The following PAX7 variants were observed in gnomAD, a reference collection of about 807,000 sequenced individuals.
PAX7 encodes paired box protein Pax-7.
A neutral mutation model predicts 50.7 loss-of-function variants in PAX7; 18 were observed. The ratio of observed to expected loss-of-function variants is 0.36; its 90% confidence interval spans 0.25 to 0.53. PAX7 has a LOEUF of 0.53. Ranked by LOEUF, PAX7 falls within the 20% of genes least tolerant of loss-of-function variation. The pLI is 0.93. For synonymous variants in PAX7, 310 were observed against 290.4 expected (o/e 1.07, Z -0.69); for missense variants, 644 against 702.9 (o/e 0.92, Z 0.95).
At chr1:18,657,183 G>A (rs1365570372) in intron 4 of PAX7, among the ~76,000 whole-genome samples, 35 of 152,044 alleles carry the variant, frequency 2.3e-4, no homozygotes, top group Non-Finnish European at 2.6e-4. Flanking sequence ...AGATCCCATT[G>A]CTTTGGCATG....
intron 4 of PAX7, among the ~76,000 whole-genome samples, chr1:18,675,884 G>C (rs1257414892): frequency 6.6e-6 from 1 of 152,094 alleles, no homozygotes; most frequent in African/African-American, 2.4e-5. Context: ...CAGGCCCCAG[G>C]GTCGCTCCCC....
intron 1 of PAX7, among the ~76,000 whole-genome samples, chr1:18,633,858 TC>T (rs1353711307): frequency 1.3e-5 from 2 of 152,226 alleles, no homozygotes; most frequent in Non-Finnish European, 2.9e-5. Context: ...TATTGGCCTC[TC>T]CAAGACGCAG....
intron 1 of PAX7, among the ~76,000 whole-genome samples, chr1:18,631,904 C>T (rs1483392909): frequency 6.6e-6 from 1 of 152,180 alleles, no homozygotes; most frequent in Non-Finnish European, 1.5e-5. Context: ...GCCTTCGTTT[C>T]GCAGGTCGCT....
At chr1:18,706,126 C>G (rs1301753806) in intron 7 of PAX7, among the ~76,000 whole-genome samples, 1 of 152,228 alleles carries the variant, frequency 6.6e-6, no homozygotes, top group Admixed American at 6.5e-5. Context: ...CCGACTCCCA[C>G]TGCCCTCCCT....
At position 18,635,215 on chromosome 1, in the gene PAX7, C is replaced by T. The variant is rs759037398; in HGVS notation, c.426C>T (p.His142=). The T allele has an allele frequency of 1.2e-6, 2 of 1,613,860 alleles. No individual in the cohort carries two copies. Among genetic ancestry groups the T allele is most frequent in the Non-Finnish European group, 1.7e-6 (2 of 1,179,898 alleles). Residue 142 remains histidine (H), a synonymous_variant, in exon 3 of 9, where the codon CAC becomes CAT. Transcript: ENST00000420770. ...EIRDRLLKDG[H]CDRSTVPSGL... is the part of the protein sequence containing the mutation. ...GGGACAGGCTGCTGAAGGATGGGCA[C>T]TGTGACCGAAGCACTGTGCCCTCAG...
chr1:18,739,001 C>G (rs1004746769), intron 8 of PAX7, among the ~76,000 whole-genome samples: 1 of 152,202 alleles, frequency 6.6e-6, no homozygotes, highest in Non-Finnish European at 1.5e-5. Flanking sequence ...CTGGGATGCC[C>G]CAGTGTGTGT....
At chr1:18,666,519 C>T (rs1570143806) in intron 4 of PAX7, among the ~76,000 whole-genome samples, 1 of 152,248 alleles carries the variant, frequency 6.6e-6, no homozygotes, top group African/African-American at 2.4e-5. Context: ...TGCCCAGCAA[C>T]ATTTTCAGGG....
intron 8 of PAX7, among the ~76,000 whole-genome samples, chr1:18,743,097 T>C (rs1488775980): frequency 6.6e-6 from 1 of 152,166 alleles, no homozygotes; most frequent in Non-Finnish European, 1.5e-5. Context: ...TTCTGCTGCT[T>C]CCAAACCAAC....
At chr1:18,653,178 GT>G (rs1184467400) in intron 4 of PAX7, among the ~76,000 whole-genome samples, 6 of 138,610 alleles carry the variant, frequency 4.3e-5, no homozygotes, top group African/African-American at 1.6e-4. Context: ...GATTTGCTGG[GT>G]TTTTTTCATT....
chr1:18,710,481 G>A (rs1318655536), intron 7 of PAX7, among the ~76,000 whole-genome samples: 1 of 152,108 alleles, frequency 6.6e-6, no homozygotes, highest in Non-Finnish European at 1.5e-5. Context: ...GAGGAAGGAG[G>A]AGGGAGCGAG....
At chr1:18,719,407 T>C (rs116695592) in intron 7 of PAX7, among the ~76,000 whole-genome samples, 1,981 of 152,300 alleles carry the variant, frequency 0.013, 23 homozygotes, top group Middle Eastern at 0.034. Flanking sequence ...GGGCTGGGGC[T>C]TTGGGGAATA....
Position 18,744,973 on chromosome 1 carries a change from C to A in PAX7, c.*44C>A, listed in dbSNP as rs1450128896. On this transcript the variant is annotated 3_prime_UTR_variant, in exon 9 of 9. Transcript: ENST00000420770. The stretch of plus-strand genomic sequence containing the variant: ...CCCCAGCCCAATTCCCAGCCCAACC[C>A]TAACTGACCCCTGAGCTTCCCAGCC... 8.6e-7 allele frequency: 1 copy of A among 1,165,164 alleles called. No homozygotes were observed. The highest frequency in any genetic ancestry group is 2.0e-5 in the Admixed American group (1 of 49,092). 72.2% of individuals were successfully genotyped at this position (1,165,164 alleles called of 1,614,324 possible).
chr1:18,734,082 A>G (rs1366041636), intron 7 of PAX7, among the ~76,000 whole-genome samples: 2 of 152,204 alleles, frequency 1.3e-5, no homozygotes, highest in Non-Finnish European at 2.9e-5. Context: ...GACTGTGGCC[A>G]GGCCTCAATG....
At chr1:18,650,911 G>A (rs1407647341) in intron 4 of PAX7, among the ~76,000 whole-genome samples, 1 of 152,142 alleles carries the variant, frequency 6.6e-6, no homozygotes, top group African/African-American at 2.4e-5. Context: ...GGCTGGCAGG[G>A]CAAGACCTCT....
chr1:18,690,785 C>T (rs1168102482), intron 4 of PAX7, among the ~76,000 whole-genome samples: 1 of 152,222 alleles, frequency 6.6e-6, no homozygotes, highest in East Asian at 1.9e-4. Context: ...CTCCTCTAGC[C>T]TGGGGGAATC....
chr1:18,727,698 A>G (rs2089592181), intron 7 of PAX7, among the ~76,000 whole-genome samples: 1 of 152,258 alleles, frequency 6.6e-6, no homozygotes, highest in Non-Finnish European at 1.5e-5. Flanking sequence ...GCCATCAGCC[A>G]GGCTTAGAAA....
At chr1:18,704,855 A>G (rs773182619) in intron 7 of PAX7, among the ~76,000 whole-genome samples, 18 of 152,196 alleles carry the variant, frequency 1.2e-4, no homozygotes, top group Non-Finnish European at 2.5e-4. Context: ...ACCCTTGAGT[A>G]AGTCCCTTCC....
intron 7 of PAX7, among the ~76,000 whole-genome samples, chr1:18,720,319 C>G (rs976662090): frequency 6.6e-6 from 1 of 152,168 alleles, no homozygotes; most frequent in Non-Finnish European, 1.5e-5. Flanking sequence ...TGGGAGGGAA[C>G]CCCAAATCCT....
At chr1:18,737,172 G>C (rs1408800584) in intron 8 of PAX7, among the ~76,000 whole-genome samples, 1 of 152,250 alleles carries the variant, frequency 6.6e-6, no homozygotes, top group East Asian at 1.9e-4. Flanking sequence ...AGAGGTCATG[G>C]GTCACTTTCC....
Sources: gnomAD v4.1 joint callset for allele counts (sites outside exome capture counted in the v4.1 genomes callset) on GRCh38, gnomAD v4.1.1 for gene constraint, MANE v1.5 for transcripts, NCBI Gene and HGNC (gene_info 2026-07-23, HGNC 2026-07-21) for gene names.